The following KLHL1 variants were observed in gnomAD, a reference collection of about 807,000 sequenced individuals.
KLHL1 encodes kelch-like protein 1.
Under a neutral mutation model 77.7 loss-of-function variants are expected in KLHL1, and 47 were observed. The ratio of observed to expected loss-of-function variants is 0.60; its 90% CI spans 0.48 to 0.77. The LOEUF is 0.77. Ranked by LOEUF, KLHL1 falls within the 30% of genes least tolerant of loss-of-function variation. KLHL1 has a pLI of 0.00. For missense variants in KLHL1, 925 were observed against 910.8 expected, an observed-to-expected ratio of 1.02 and a Z score of -0.20; for synonymous variants, 360 against 325.2, an observed-to-expected ratio of 1.11 and a Z score of -1.15.
intron 2 of KLHL1, among the ~76,000 whole-genome samples, chr13:69,970,187 C>T (rs1884339243): frequency 6.6e-6 from 1 of 152,090 alleles, no homozygotes; most frequent in Non-Finnish European, 1.5e-5. Flanking sequence ...ACTATTTTTA[C>T]GGTGGTTGTA....
intron 4 of KLHL1, among the ~76,000 whole-genome samples, chr13:69,891,329 G>T (rs1881420199): frequency 6.6e-6 from 1 of 151,934 alleles, no homozygotes; most frequent in African/African-American, 2.4e-5. Flanking sequence ...TTTTAAAAAA[G>T]AAGAATTTTA....
chr13:70,085,302 C>T (rs2137434964), intron 1 of KLHL1, among the ~76,000 whole-genome samples: 1 of 152,262 alleles, frequency 6.6e-6, no homozygotes. Flanking sequence ...AGCAGTTGAA[C>T]ATCATTTTTA....
At chr13:70,074,859 T>A (rs1394230655) in intron 1 of KLHL1, among the ~76,000 whole-genome samples, 2 of 152,050 alleles carry the variant, frequency 1.3e-5, no homozygotes, top group Non-Finnish European at 2.9e-5. Flanking sequence ...AGCATGATTG[T>A]GTAGATAAAA....
chr13:69,819,586 C>T (rs1878254640), intron 6 of KLHL1, among the ~76,000 whole-genome samples: 1 of 150,660 alleles, frequency 6.6e-6, no homozygotes, highest in Non-Finnish European at 1.5e-5. Flanking sequence ...TGACCTATGG[C>T]TGTAAGTAGT....
chr13:69,956,082 A>G (rs975555388), intron 3 of KLHL1, among the ~76,000 whole-genome samples: 1 of 116,262 alleles, frequency 8.6e-6, no homozygotes, highest in African/African-American at 3.7e-5. Context: ...TGATATATAT[A>G]TTTTTATATA....
At chr13:70,069,891 G>C (rs764968517) in intron 1 of KLHL1, among the ~76,000 whole-genome samples, 1 of 152,002 alleles carries the variant, frequency 6.6e-6, no homozygotes, top group Non-Finnish European at 1.5e-5. Context: ...AGATGAGGCC[G>C]GGCACGGTGG....
At chr13:69,778,784 T>A (rs12427517) in intron 7 of KLHL1, among the ~76,000 whole-genome samples, 16,591 of 147,116 alleles carry the variant, frequency 0.11, 1,114 homozygotes, top group African/African-American at 0.18. Flanking sequence ...AAGGCAGGTA[T>A]TCCCTCTCTT....
At chr13:69,927,243 C>A (rs140056481) in intron 4 of KLHL1, among the ~76,000 whole-genome samples, 1 of 152,028 alleles carries the variant, frequency 6.6e-6, no homozygotes, top group Admixed American at 6.6e-5. Flanking sequence ...ACCTTTACTT[C>A]ACACCATATA....
chr13:69,930,301 T>A (rs1294681130), intron 4 of KLHL1, among the ~76,000 whole-genome samples: 1 of 151,884 alleles, frequency 6.6e-6, no homozygotes, highest in Non-Finnish European at 1.5e-5. Flanking sequence ...TTCATCAAGG[T>A]ATTTTTTATT....
chr13:69,932,680 TTG>T (rs555549719), intron 4 of KLHL1, among the ~76,000 whole-genome samples: 15 of 151,364 alleles, frequency 9.9e-5, no homozygotes, highest in African/African-American at 2.9e-4. Flanking sequence ...TATATTGTGC[TTG>T]TGTGTGTGTG....
At chr13:69,945,484 GAT>G (rs1299240798) in intron 3 of KLHL1, among the ~76,000 whole-genome samples, 2 of 148,288 alleles carry the variant, frequency 1.3e-5, no homozygotes, top group Non-Finnish European at 3.0e-5. Context: ...GCCACTGTAA[GAT>G]ATATTATTAA....
At chr13:69,930,892 C>T (rs78552864) in intron 4 of KLHL1, among the ~76,000 whole-genome samples, 1,942 of 151,640 alleles carry the variant, frequency 0.013, 73 homozygotes, top group Admixed American at 0.085. Context: ...TGCATATATG[C>T]GTTAATCAGT....
intron 6 of KLHL1, among the ~76,000 whole-genome samples, chr13:69,825,901 G>T (rs1265534933): frequency 6.6e-6 from 1 of 152,188 alleles, no homozygotes; most frequent in East Asian, 1.9e-4. Context: ...TTCTCTGACA[G>T]TAGGAAACAT....
chr13:69,802,716 C>T (rs1325655935), intron 6 of KLHL1, among the ~76,000 whole-genome samples: 2 of 151,852 alleles, frequency 1.3e-5, no homozygotes, highest in African/African-American at 2.4e-5. Flanking sequence ...CGATCACGAC[C>T]CTCTCACGTG....
intron 1 of KLHL1, among the ~76,000 whole-genome samples, chr13:70,103,930 C>G (rs566178932): frequency 6.6e-6 from 1 of 152,158 alleles, no homozygotes; most frequent in Non-Finnish European, 1.5e-5. Context: ...AGATGCAAAT[C>G]TGTAAAGACA....
chr13:69,913,764 T>C (rs924998739), intron 4 of KLHL1, among the ~76,000 whole-genome samples: 1 of 152,204 alleles, frequency 6.6e-6, no homozygotes, highest in African/African-American at 2.4e-5. Context: ...TGTAAATCAA[T>C]GTGCAAGTGG....
intron 6 of KLHL1, among the ~76,000 whole-genome samples, chr13:69,835,183 T>C (rs1593872497): frequency 6.6e-6 from 1 of 152,094 alleles, no homozygotes; most frequent in Non-Finnish European, 1.5e-5. Context: ...AGTGAAATAA[T>C]CTATGGAGAA....
intron 1 of KLHL1, among the ~76,000 whole-genome samples, chr13:70,042,202 C>G (rs1309665719): frequency 2.6e-5 from 4 of 152,024 alleles, no homozygotes; most frequent in Non-Finnish European, 4.4e-5. Flanking sequence ...GCTCGGGACT[C>G]TCAACTTGGA....
chr13:69,891,363 G>A (rs1555277991), intron 4 of KLHL1, among the ~76,000 whole-genome samples: 1 of 151,892 alleles, frequency 6.6e-6, no homozygotes, highest in Non-Finnish European at 1.5e-5. Flanking sequence ...ACTGTTTCTA[G>A]TATCAGAAAT....
Sources: allele counts gnomAD v4.1 joint callset (sites outside exome capture counted in the v4.1 genomes callset), GRCh38; gene constraint gnomAD v4.1.1; transcripts MANE v1.5; gene names NCBI Gene and HGNC (gene_info 2026-07-23, HGNC 2026-07-21).